The following CHM variants were observed in gnomAD, a reference collection of about 807,000 sequenced individuals.
The protein encoded by CHM is CHM Rab escort protein.
A neutral mutation model predicts 49.0 loss-of-function variants in CHM; 10 were observed. The ratio of observed to expected loss-of-function variants is 0.20; its 90% CI spans 0.13 to 0.35. The LOEUF is 0.35. CHM is among the 10% of genes least tolerant of loss of function. The pLI is 1.00. For missense variants in CHM, 455 were observed against 478.4 expected (o/e 0.95, Z 0.46); for synonymous variants, 184 against 167.5 (o/e 1.10, Z -0.76).
intron 8 of CHM, among the ~76,000 whole-genome samples, chrX:85,913,369 A>AAAGG (rs1212747695): frequency 1.2e-4 from 12 of 101,110 alleles, no homozygotes; most frequent in Admixed American, 3.3e-4. Context: ...AGAAAGAAAG[A>AAAGG]AAGAAAGAAA....
chrX:85,906,460 T>C (rs1314666253), intron 9 of CHM, among the ~76,000 whole-genome samples: 1 of 112,000 alleles, frequency 8.9e-6, no homozygotes, highest in African/African-American at 3.2e-5. Flanking sequence ...ATACTTATAA[T>C]AACCCTATGA....
chrX:85,976,442 G>A (rs1052273235), intron 4 of CHM, among the ~76,000 whole-genome samples: 1 of 111,137 alleles, frequency 9.0e-6, no homozygotes, highest in African/African-American at 3.3e-5. Context: ...CTAACACGGT[G>A]AAACCCTGTC....
At chrX:85,895,622 A>G (rs1925780945) in intron 11 of CHM, among the ~76,000 whole-genome samples, 1 of 112,239 alleles carries the variant, frequency 8.9e-6, no homozygotes, top group South Asian at 3.7e-4. Context: ...GTGATGGCCC[A>G]AAGAGGAAAC....
At chrX:85,915,999 T>A (rs1246469969) in intron 8 of CHM, among the ~76,000 whole-genome samples, 1 of 112,327 alleles carries the variant, frequency 8.9e-6, no homozygotes. Context: ...AAGGCAATCC[T>A]ATGCAAAAAG....
Position 85,864,587 on chromosome X carries a change from G to C in CHM, c.*43C>G. Reference sequence around the variant, plus strand: ...TTCTATCAAGTAGACTCTGAGACCAGTCAGAATTTCCAAAGTTGGGTATCC... The same window carrying C: ...TTCTATCAAGTAGACTCTGAGACCACTCAGAATTTCCAAAGTTGGGTATCC... On this transcript the variant is annotated 3_prime_UTR_variant, in exon 15 of 15. Transcript: ENST00000357749. The C allele has an allele frequency of 9.1e-7, 1 of 1,095,688 alleles. No homozygotes were observed. The highest frequency in any genetic ancestry group is 1.3e-6 in the Non-Finnish European group (1 of 794,014). 90.3% of individuals were successfully genotyped at this position (1,095,688 alleles called of 1,213,427 possible).
chrX:86,002,559 G>A (rs771549466), intron 2 of CHM, among the ~76,000 whole-genome samples: 2 of 112,393 alleles, frequency 1.8e-5, no homozygotes, highest in Non-Finnish European at 3.8e-5. Flanking sequence ...GTTGGACAGC[G>A]GGTGCAGCCC....
intron 14 of CHM, among the ~76,000 whole-genome samples, chrX:85,866,811 G>A (rs1214406611): frequency 1.8e-5 from 2 of 113,308 alleles, no homozygotes; most frequent in Non-Finnish European, 3.7e-5. Flanking sequence ...CTGGGTTTTG[G>A]ACTTGCATGG....
intron 14 of CHM, among the ~76,000 whole-genome samples, chrX:85,866,781 A>G (rs1923727636): frequency 8.8e-6 from 1 of 113,227 alleles, no homozygotes; most frequent in Non-Finnish European, 1.9e-5. Flanking sequence ...TTGGAGCTTT[A>G]AGATTTAATG....
chrX:85,993,480 G>A (rs1283300193), intron 2 of CHM, among the ~76,000 whole-genome samples: 1 of 111,781 alleles, frequency 8.9e-6, no homozygotes, highest in Non-Finnish European at 1.9e-5. Context: ...TCTTATCAAA[G>A]GTTTCCCTGC....
intron 9 of CHM, among the ~76,000 whole-genome samples, chrX:85,902,333 A>C (rs1926337238): frequency 9.0e-6 from 1 of 111,451 alleles, no homozygotes; most frequent in Non-Finnish European, 1.9e-5. Context: ...AATGACTAAC[A>C]CTCAAGACCA....
intron 4 of CHM, among the ~76,000 whole-genome samples, chrX:85,967,175 C>G (rs928222386): frequency 1.8e-5 from 2 of 111,308 alleles, no homozygotes; most frequent in African/African-American, 6.5e-5. Context: ...CACCCAAAAG[C>G]TCCTAAAACT....
At chrX:86,027,912 C>T (rs771471637) in intron 1 of CHM, among the ~76,000 whole-genome samples, 11 of 110,604 alleles carry the variant, frequency 9.9e-5, no homozygotes, top group African/African-American at 3.3e-4. Context: ...TACAGGCATG[C>T]GCCGCACACC....
Position 85,862,583 on chromosome X carries a change from C to T in CHM, c.*2047G>A, listed in dbSNP as rs1307935765. The T allele has an allele frequency of 1.8e-5, 2 of 111,635 alleles. No individual in the cohort carries two copies. Among genetic ancestry groups the T allele is most frequent in the African/African-American group, 6.5e-5 (2 of 30,590 alleles). The allele number at this position is 111,635 out of a possible 1,213,427, so 9.2% of individuals were successfully genotyped here. On this transcript the variant is annotated 3_prime_UTR_variant, in exon 15 of 15. Transcript: ENST00000357749. ...AGGTTATAATGTGATCCTACTGTCC[C>T]TGATTTGTGTGACATTATAAAAGGG... is the stretch of plus-strand genomic sequence containing the variant.
intron 12 of CHM, among the ~76,000 whole-genome samples, chrX:85,891,375 GC>G (rs1925443600): frequency 9.0e-6 from 1 of 111,724 alleles, no homozygotes; most frequent in South Asian, 3.8e-4. Flanking sequence ...AGGCCTAGAG[GC>G]CCAGGAGGAA....
At chrX:85,906,413 G>A (rs1232137051) in intron 9 of CHM, among the ~76,000 whole-genome samples, 2 of 111,987 alleles carry the variant, frequency 1.8e-5, no homozygotes, top group Non-Finnish European at 3.8e-5. Context: ...CTTACAATGT[G>A]TAACAAATGG....
intron 4 of CHM, chrX:85,969,309 T>A: frequency 2.7e-6 from 2 of 741,716 alleles, no homozygotes; most frequent in Non-Finnish European, 3.2e-6. Flanking sequence ...TAGATGACTT[T>A]ATGCAATTAA....
chrX:85,919,207 G>C (rs927754962), intron 8 of CHM, among the ~76,000 whole-genome samples: 11 of 111,144 alleles, frequency 9.9e-5, no homozygotes, highest in African/African-American at 2.6e-4. Context: ...AAATACAAAG[G>C]AATAAATTCA....
chrX:85,874,403 C>T (rs1234423701), intron 13 of CHM, among the ~76,000 whole-genome samples: 2 of 111,266 alleles, frequency 1.8e-5, no homozygotes, highest in Non-Finnish European at 1.9e-5. Context: ...GACCATGAGG[C>T]ACCTCATGAA....
chrX:85,936,005 C>T (rs1438367495), intron 8 of CHM, among the ~76,000 whole-genome samples: 1 of 111,977 alleles, frequency 8.9e-6, no homozygotes, highest in East Asian at 2.8e-4. Flanking sequence ...AGTCAATTTA[C>T]TAAGCACCTA....
Sources: allele counts gnomAD v4.1 joint callset (sites outside exome capture counted in the v4.1 genomes callset), GRCh38; gene constraint gnomAD v4.1.1; transcripts MANE v1.5; gene names NCBI Gene and HGNC (gene_info 2026-07-23, HGNC 2026-07-21).